The following BRWD3 variants were observed in gnomAD, a reference collection of about 807,000 sequenced individuals.
The protein encoded by BRWD3 is bromodomain and WD repeat-containing protein 3.
A neutral mutation model predicts 149.7 loss-of-function variants in BRWD3; 10 were observed. That is an observed-to-expected ratio of 0.07 (90% confidence interval 0.04 to 0.11). The LOEUF (loss-of-function observed/expected upper bound fraction) is 0.11, where lower values mean the gene tolerates loss of function less well. BRWD3 is among the 10% of genes least tolerant of loss of function. The probability of loss-of-function intolerance (pLI) is 1.00; values close to 1 mark genes in which losing one functional copy is unlikely to be tolerated. For synonymous variants in BRWD3, 504 were observed against 456.7 expected, an observed-to-expected ratio of 1.10 and a Z score of -1.32; for missense variants, 940 against 1,373.2, an observed-to-expected ratio of 0.68 and a Z score of 4.99.
At chrX:80,694,455 A>G (rs1448506003) in intron 27 of BRWD3, among the ~76,000 whole-genome samples, 1 of 111,196 alleles carries the variant, frequency 9.0e-6, no homozygotes, top group Non-Finnish European at 1.9e-5. Flanking sequence ...TCCAGACCCC[A>G]GAATGGCAGA....
chrX:80,796,133 G>GT (rs202007432), intron 4 of BRWD3, among the ~76,000 whole-genome samples: 4,590 of 102,953 alleles, frequency 0.045, 106 homozygotes, highest in Non-Finnish European at 0.065. Flanking sequence ...CAATGTTTTT[G>GT]TTTTTTTTTT....
At chrX:80,689,299 G>C (rs1210764172) in intron 33 of BRWD3, among the ~76,000 whole-genome samples, 1 of 111,617 alleles carries the variant, frequency 9.0e-6, no homozygotes, top group Non-Finnish European at 1.9e-5. Flanking sequence ...ATTTCATTCA[G>C]AAGAGACTGA....
intron 34 of BRWD3, among the ~76,000 whole-genome samples, chrX:80,687,775 TCA>T (rs1465685340): frequency 9.1e-6 from 1 of 109,850 alleles, no homozygotes; most frequent in Non-Finnish European, 1.9e-5. Flanking sequence ...GAGTCTCTAA[TCA>T]CACACATGCT....
intron 6 of BRWD3, among the ~76,000 whole-genome samples, chrX:80,781,891 T>C (rs978936556): frequency 7.1e-5 from 8 of 111,966 alleles, no homozygotes; most frequent in Non-Finnish European, 1.5e-4. Context: ...TCCATATTCA[T>C]GAATTATAAG....
At chrX:80,730,939 C>T (rs2073321374) in intron 12 of BRWD3, among the ~76,000 whole-genome samples, 1 of 111,516 alleles carries the variant, frequency 9.0e-6, no homozygotes, top group African/African-American at 3.3e-5. Flanking sequence ...AAAATTTTTT[C>T]AATTAATCCC....
chrX:80,730,389 AAAAGAAAG>A (rs56311451), intron 12 of BRWD3, among the ~76,000 whole-genome samples: 4,174 of 77,593 alleles, frequency 0.054, 122 homozygotes, highest in Admixed American at 0.14. Flanking sequence ...ATTATTTAGC[AAAAGAAAG>A]AAAGAAAGAA....
chrX:80,713,945 G>A (rs1450023427), intron 20 of BRWD3, among the ~76,000 whole-genome samples: 1 of 111,534 alleles, frequency 9.0e-6, no homozygotes, highest in Non-Finnish European at 1.9e-5. Flanking sequence ...TTTCCAACCT[G>A]ACTTTGGCAT....
chrX:80,685,812 A>C (rs927073684), intron 35 of BRWD3, among the ~76,000 whole-genome samples: 5 of 111,771 alleles, frequency 4.5e-5, no homozygotes, highest in Non-Finnish European at 9.4e-5. Flanking sequence ...ACTGAGACCT[A>C]CAGTATACAG....
At chrX:80,738,525 A>C (rs1225436822) in intron 8 of BRWD3, among the ~76,000 whole-genome samples, 1 of 111,351 alleles carries the variant, frequency 9.0e-6, no homozygotes, top group Non-Finnish European at 1.9e-5. Flanking sequence ...CCAATACACA[A>C]ATAATAAAGA....
chrX:80,786,442 G>A (rs1232079553), intron 6 of BRWD3, among the ~76,000 whole-genome samples: 1 of 110,494 alleles, frequency 9.1e-6, no homozygotes, highest in Non-Finnish European at 1.9e-5. Context: ...TATACTTAAT[G>A]GTGAAAGATG....
chrX:80,807,561 A>G (rs1416835826), intron 4 of BRWD3, among the ~76,000 whole-genome samples: 2 of 111,868 alleles, frequency 1.8e-5, no homozygotes, highest in African/African-American at 6.5e-5. Context: ...TAGTAACATC[A>G]TTCCTTTCTC....
Position 80,673,411 on chromosome X carries a change from G to A in BRWD3, c.*3198C>T, listed in dbSNP as rs2072338458. ...GTAAATATACAGGCTAAGAGCTGTAGAGAGGCAAAAAGTTGGCAGACTGTC... is the reference window on the plus strand; with the variant it reads ...GTAAATATACAGGCTAAGAGCTGTAAAGAGGCAAAAAGTTGGCAGACTGTC... On this transcript the variant is annotated 3_prime_UTR_variant, in exon 41 of 41. Transcript: ENST00000373275. 1 of 111,815 alleles carries A rather than the reference G, an allele frequency of 8.9e-6. No individual in the cohort carries two copies. The highest frequency in any genetic ancestry group is 3.2e-5 in the African/African-American group (1 of 30,849). The allele number at this position is 111,815 out of a possible 1,213,427, so 9.2% of individuals were successfully genotyped here. A position where few individuals can be genotyped will look rare whatever the true frequency, so the allele number is the denominator to read the frequency against.
At position 80,793,927 on chromosome X, in the gene BRWD3, C is replaced by T. The variant is rs574777036; in HGVS notation, c.181-155G>A. 6.2e-5 allele frequency among the ~76,000 whole-genome samples: 7 copies of T among 112,581 alleles called. No homozygotes were observed. The South Asian group carries it at 2.5e-3, about 41-fold the overall frequency. ...GGCGCGATGGCTCACGCCTGTAATC[C>T]CAAAACTTTGGGAGGCTGAGGCAGG... On this transcript the variant is annotated intron_variant, in intron 4 of 40. Transcript: ENST00000373275.
chrX:80,684,173 G>T lies in BRWD3; in HGVS notation c.4081-11C>A, dbSNP rs768479161. 3 of 1,189,194 alleles carry T rather than the reference G, an allele frequency of 2.5e-6. No individual in the cohort carries two copies. The highest frequency in any genetic ancestry group is 2.3e-6 in the Non-Finnish European group (2 of 876,268). ...AACATCTTGATAATCCTACAAAGAA[G>T]AATGTGTTATTAAATACTGTATAGC... On this transcript the variant is annotated splice_polypyrimidine_tract_variant and intron_variant, in intron 36 of 40. Coordinates refer to ENST00000373275, the MANE Select transcript of BRWD3 (RefSeq NM_153252.5).
At chrX:80,764,617 G>C (rs752451200) in intron 6 of BRWD3, among the ~76,000 whole-genome samples, 53 of 110,538 alleles carry the variant, frequency 4.8e-4, no homozygotes, top group Non-Finnish European at 3.0e-4. Context: ...CCAGCCTTAG[G>C]CAAAGAATTC....
intron 6 of BRWD3, among the ~76,000 whole-genome samples, chrX:80,771,283 G>C (rs909733838): frequency 9.0e-6 from 1 of 111,341 alleles, no homozygotes; most frequent in Non-Finnish European, 1.9e-5. Context: ...AAAAGAGCCC[G>C]CAATGCCAAG....
intron 27 of BRWD3, 94 bp downstream of exon 27, chrX:80,695,814 A>T: frequency 1.3e-6 from 1 of 747,207 alleles, no homozygotes; most frequent in Non-Finnish European, 2.0e-6. Flanking sequence ...TTTTCAGCTA[A>T]ATGATAAGCT....
intron 6 of BRWD3, among the ~76,000 whole-genome samples, chrX:80,773,733 TTACAA>T (rs746292315): frequency 3.6e-5 from 4 of 111,967 alleles, no homozygotes; most frequent in Non-Finnish European, 5.6e-5. Flanking sequence ...ATTTCTCAAG[TTACAA>T]TGAACCCTTC....
At chrX:80,720,170 C>T (rs1244602456) in intron 17 of BRWD3, among the ~76,000 whole-genome samples, 2 of 111,622 alleles carry the variant, frequency 1.8e-5, no homozygotes, top group Non-Finnish European at 1.9e-5. Flanking sequence ...TACCATACTT[C>T]GTATCATTTT....
Sources: gnomAD v4.1 joint callset for allele counts (sites outside exome capture counted in the v4.1 genomes callset) on GRCh38, gnomAD v4.1.1 for gene constraint, MANE v1.5 for transcripts, NCBI Gene and HGNC (gene_info 2026-07-23, HGNC 2026-07-21) for gene names.